ZNF420: variants seen among roughly 807,000 people sequenced by gnomAD.
ZNF420 encodes ATM and p53-associated KZNF protein.
In ZNF420, 31 loss-of-function variants were observed where a neutral mutation model predicts 44.7. The observed-to-expected ratio is 0.69, with a 90% CI of 0.52 to 0.94. ZNF420 has a LOEUF of 0.94. Ranked by LOEUF, ZNF420 falls within the 40% of genes least tolerant of loss-of-function variation. The pLI, the probability that ZNF420 is intolerant of heterozygous loss-of-function variation, is 0.00. For synonymous variants in ZNF420, 245 were observed against 267.4 expected, an observed-to-expected ratio of 0.92 and a Z score of 0.82; for missense variants, 681 against 827.9, an observed-to-expected ratio of 0.82 and a Z score of 2.18.
intron 1 of ZNF420, among the ~76,000 whole-genome samples, chr19:37,057,825 G>A (rs192249765): frequency 1.3e-5 from 2 of 152,276 alleles, no homozygotes; most frequent in Admixed American, 1.3e-4. Context: ...TGCAGGAGGG[G>A]AGCAGACCGA....
At chr19:37,058,168 G>A (rs2046445839) in intron 1 of ZNF420, among the ~76,000 whole-genome samples, 1 of 151,964 alleles carries the variant, frequency 6.6e-6, no homozygotes, top group Non-Finnish European at 1.5e-5. Context: ...AAAATTCGTG[G>A]AGATCCGTGT....
In ZNF420 at chr19:37,130,007, AG is replaced by A. The variant is rs1383367413; in HGVS notation, c.*950del. The A allele has an allele frequency of 3.3e-5, 50 of 1,512,478 alleles. No individual in the cohort carries two copies. The highest frequency in any genetic ancestry group is 4.5e-5 in the Admixed American group (2 of 44,578). 93.7% of individuals were successfully genotyped at this position (1,512,478 alleles called of 1,614,324 possible). ...ACCCTATATCTATTTTCTCTTTTTT[AG>A]TAACAAATTTCTGGGCTGAAAATCT... On this transcript the variant is annotated 3_prime_UTR_variant, in exon 5 of 5. Coordinates refer to ENST00000337995, the MANE Select transcript of ZNF420 (RefSeq NM_144689.5).
At chr19:37,052,777 C>T (rs11670238) in intron 1 of ZNF420, among the ~76,000 whole-genome samples, 48,366 of 152,006 alleles carry the variant, frequency 0.32, 7,939 homozygotes, top group Non-Finnish European at 0.34. Flanking sequence ...CGACCTTTCT[C>T]TCTGGCTGCC....
chr19:37,111,013 G>A (rs1970361493), intron 4 of ZNF420, among the ~76,000 whole-genome samples: 1 of 151,962 alleles, frequency 6.6e-6, no homozygotes, highest in Admixed American at 6.6e-5. Context: ...ATTTTGTCTG[G>A]GTCATTTCCA....
chr19:37,117,361 G>C (rs143678326), intron 4 of ZNF420, among the ~76,000 whole-genome samples: 2,638 of 152,180 alleles, frequency 0.017, 41 homozygotes, highest in Middle Eastern at 0.054. Context: ...AGGCAAACAG[G>C]GTCTGGAGTG....
chr19:37,112,098 G>T (rs1970412446), intron 4 of ZNF420, among the ~76,000 whole-genome samples: 3 of 152,060 alleles, frequency 2.0e-5, no homozygotes, highest in South Asian at 4.2e-4. Context: ...TACCCATACA[G>T]GTTTTTCTGT....
At chr19:37,025,861 C>T (rs977585631) in intron 1 of ZNF420, among the ~76,000 whole-genome samples, 5 of 150,766 alleles carry the variant, frequency 3.3e-5, no homozygotes, top group African/African-American at 4.9e-5. Context: ...ACTGCAGCCT[C>T]GACCTCCTGG....
intron 4 of ZNF420, among the ~76,000 whole-genome samples, chr19:37,123,962 T>C (rs1328151850): frequency 6.6e-6 from 1 of 152,166 alleles, no homozygotes; most frequent in African/African-American, 2.4e-5. Flanking sequence ...CCACCATTTA[T>C]TGGTGTTTGT....
At chr19:37,076,724 T>C (rs900591485), upstream of ZNF420, among the ~76,000 whole-genome samples, 1 of 152,184 alleles carries the variant, frequency 6.6e-6, no homozygotes, top group Admixed American at 6.5e-5. Context: ...TATGGCTGCA[T>C]AGTATTCCAT....
In ZNF420 at chr19:37,048,754, A is replaced by G. The variant is rs1001553980; in HGVS notation, c.-124-31591A>G. ...TAATATACTTTAAGTTTTAGGATAC[A>G]TGTGCACAACGTGCAGGTTAGTTAC... is the stretch of plus-strand genomic sequence containing the variant. On this transcript the variant is annotated intron_variant, in intron 1 of 4. Coordinates refer to the ZNF420 transcript ENST00000587029. 1.4e-4 allele frequency among the ~76,000 whole-genome samples: 22 copies of G among 152,188 alleles called. No homozygotes were observed. In the East Asian group the frequency reaches 3.9e-3, roughly 27 times the overall value.
At position 37,038,129 on chromosome 19, in the gene ZNF420, CAA is replaced by C. The variant is rs35492200; in HGVS notation, c.-125+30059_-125+30060del. Among the ~76,000 whole-genome samples the C allele has an allele frequency of 1.9e-3, 272 of 145,120 alleles. 2 individuals are homozygous for C. The highest frequency in any genetic ancestry group is 2.0e-3 in the South Asian group (9 of 4,580). ...TGGGTGACAGAGCGAGACTCCGTCT[CAA>C]AAAAAAAAAAAGTTGTGTTTACACT... On this transcript the variant is annotated intron_variant, in intron 1 of 4. Transcript: ENST00000587029.
At chr19:37,042,018 G>C (rs1167394928) in intron 1 of ZNF420, among the ~76,000 whole-genome samples, 1 of 151,898 alleles carries the variant, frequency 6.6e-6, no homozygotes, top group Admixed American at 6.6e-5. Flanking sequence ...CTTTTTAATG[G>C]AGACGAAGTC....
intron 1 of ZNF420, among the ~76,000 whole-genome samples, chr19:37,079,234 A>G (rs1415466087): frequency 6.6e-6 from 1 of 152,082 alleles, no homozygotes; most frequent in Non-Finnish European, 1.5e-5. Flanking sequence ...TAATTGGGTG[A>G]TTGTGCCTCT....
intron 2 of ZNF420, among the ~76,000 whole-genome samples, chr19:37,082,373 C>T (rs918978613): frequency 6.6e-6 from 1 of 152,138 alleles, no homozygotes. Context: ...CCATGTTGGC[C>T]AGGCTGGTCT....
chr19:37,095,611 T>G (rs1305662359), intron 4 of ZNF420, among the ~76,000 whole-genome samples: 1 of 152,184 alleles, frequency 6.6e-6, no homozygotes, highest in Non-Finnish European at 1.5e-5. Flanking sequence ...TTTCTTTTCT[T>G]TTTTGAGATG....
At chr19:37,115,795 T>C (rs1212450716) in intron 4 of ZNF420, among the ~76,000 whole-genome samples, 1 of 152,070 alleles carries the variant, frequency 6.6e-6, no homozygotes, top group East Asian at 2.0e-4. Flanking sequence ...CACGAGGCCA[T>C]ATCTCAGGCT....
intron 1 of ZNF420, among the ~76,000 whole-genome samples, chr19:37,013,263 AT>A (rs1568418364): frequency 6.6e-6 from 1 of 151,922 alleles, no homozygotes; most frequent in Non-Finnish European, 1.5e-5. Flanking sequence ...CCCGCTCACT[AT>A]TTTTTAAAGG....
chr19:37,008,070 G>T, exon 1 of ZNF420: 1 of 263,146 alleles, frequency 3.8e-6, no homozygotes, highest in Non-Finnish European at 7.3e-6. Context: ...AGGCCTGCCC[G>T]GACGGTGTGC....
chr19:37,128,364 G>A lies in ZNF420; in HGVS notation c.1373G>A (p.Arg458His), dbSNP rs780056188. Residue 458 changes from arginine to histidine, a missense_variant, in exon 5 of 5, where the codon CGT becomes CAT. This residue lies in a region of ZNF420 where 280 missense variants were observed against 338.6 expected (regional missense o/e 0.83). Transcript: ENST00000337995. ...AAAGAATGTGGAAAAACCTTTAGTC[G>A]TGGCTCAGAACTTACTCAACATGAG... is the stretch of plus-strand genomic sequence containing the variant. ...ECKECGKTFS[R>H]GSELTQHERI... The A allele has an allele frequency of 1.4e-5, 23 of 1,613,642 alleles. No individual in the cohort carries two copies. In the Middle Eastern group the frequency reaches 1.3e-3, roughly 92 times the overall value.
Sources: gnomAD v4.1 joint callset for allele counts (sites outside exome capture counted in the v4.1 genomes callset) on GRCh38, gnomAD v4.1.1 for gene constraint, gnomAD v4.1.1 regional missense constraint, MANE v1.5 for transcripts, NCBI Gene and HGNC (gene_info 2026-07-23, HGNC 2026-07-21) for gene names.